ITGB6: variants seen among roughly 807,000 people sequenced by gnomAD.
The protein encoded by ITGB6 is integrin subunit beta 6, also known as integrin beta-6.
In ITGB6, 80 loss-of-function variants were observed where a neutral mutation model predicts 84.5. The ratio of observed to expected loss-of-function variants is 0.95; its 90% CI spans 0.79 to 1.14. The LOEUF (loss-of-function observed/expected upper bound fraction) is 1.14. Ranked by LOEUF, ITGB6 falls within the 50% of genes most tolerant of loss-of-function variation. The probability of loss-of-function intolerance (pLI) is 0.00; values close to 1 mark genes in which losing one functional copy is unlikely to be tolerated. For synonymous variants in ITGB6, 383 were observed against 354.9 expected (o/e 1.08, Z -0.89); for missense variants, 1,006 against 968.0 (o/e 1.04, Z -0.52).
chr2:160,111,839 C>A (rs1682531707), intron 13 of ITGB6, among the ~76,000 whole-genome samples: 1 of 152,112 alleles, frequency 6.6e-6, no homozygotes, highest in Non-Finnish European at 1.5e-5. Flanking sequence ...CTCGGCCTCC[C>A]AAAGTGCTGG....
intron 4 of ITGB6, among the ~76,000 whole-genome samples, chr2:160,174,400 T>C (rs1263708256): frequency 1.3e-5 from 2 of 152,120 alleles, no homozygotes; most frequent in East Asian, 3.9e-4. Flanking sequence ...GATAATCAGG[T>C]GATCAGACTC....
At chr2:160,163,152 A>G (rs1684881590) in intron 7 of ITGB6, among the ~76,000 whole-genome samples, 1 of 152,078 alleles carries the variant, frequency 6.6e-6, no homozygotes, top group Admixed American at 6.5e-5. Flanking sequence ...GCAGAATCCA[A>G]GTGTCTGTCT....
rs1275496757 is a variant in ITGB6 at position 160,100,581 on chromosome 2, C to A, written c.*1155G>T. 1 of 152,136 alleles carries A rather than the reference C, an allele frequency of 6.6e-6. No individual in the cohort carries two copies. Among genetic ancestry groups the A allele is most frequent in the Non-Finnish European group, 1.5e-5 (1 of 68,008 alleles). The allele number at this position is 152,136 out of a possible 1,614,324, so 9.4% of individuals were successfully genotyped here. ...AAAGTGCTTTGTAAAGGAGTAATAA[C>A]CACAAGAAATAATATTCTAGAGTCC... On this transcript the variant is annotated 3_prime_UTR_variant, in exon 15 of 15. Coordinates refer to ENST00000283249, the MANE Select transcript of ITGB6 (RefSeq NM_000888.5).
intron 14 of ITGB6, 36 bp downstream of exon 14, chr2:160,107,643 C>T (rs752417556): frequency 3.7e-6 from 6 of 1,602,186 alleles, no homozygotes; most frequent in East Asian, 2.2e-5. Flanking sequence ...GCCTCTTTCT[C>T]CCCTAGACAA....
intron 10 of ITGB6, among the ~76,000 whole-genome samples, chr2:160,136,902 G>C (rs564236282): frequency 2.6e-5 from 4 of 151,950 alleles, no homozygotes; most frequent in African/African-American, 4.8e-5. Flanking sequence ...GGCCTGTTGT[G>C]GGGTGGGGGG....
chr2:160,195,066 A>T (rs762496774), intron 4 of ITGB6, among the ~76,000 whole-genome samples: 4 of 152,224 alleles, frequency 2.6e-5, no homozygotes, highest in African/African-American at 4.8e-5. Context: ...GGCACCATCC[A>T]GTGGAGCCTA....
chr2:160,196,668 G>A (rs1245138180), intron 2 of ITGB6, among the ~76,000 whole-genome samples: 2 of 151,928 alleles, frequency 1.3e-5, no homozygotes, highest in South Asian at 4.2e-4. Context: ...TTGAATTCAC[G>A]TAACAATTGC....
chr2:160,143,805 A>T (rs1684089917), intron 7 of ITGB6, among the ~76,000 whole-genome samples: 1 of 152,234 alleles, frequency 6.6e-6, no homozygotes, highest in Non-Finnish European at 1.5e-5. Flanking sequence ...TAGGACAAAG[A>T]GAACCAAGGA....
At chr2:160,144,715 T>C (rs924968409) in intron 7 of ITGB6, among the ~76,000 whole-genome samples, 1 of 152,220 alleles carries the variant, frequency 6.6e-6, no homozygotes, top group Admixed American at 6.5e-5. Context: ...GCCTCCAAAT[T>C]TGTGGTTAAT....
In ITGB6 at chr2:160,100,925, T is replaced by C. The variant is rs1184501668; in HGVS notation, c.*811A>G. On this transcript the variant is annotated 3_prime_UTR_variant, in exon 15 of 15. Transcript: ENST00000283249. ...AACTTTGGTATGACAATTACAGGGT[T>C]TAAAAGACTGTGCAACTGAGTGAAA... The C allele has an allele frequency of 6.6e-6, 1 of 152,168 alleles. No individual in the cohort carries two copies. Among genetic ancestry groups the C allele is most frequent in the Non-Finnish European group, 1.5e-5 (1 of 68,010 alleles). The allele number at this position is 152,168 out of a possible 1,614,324, so 9.4% of individuals were successfully genotyped here.
At chr2:160,153,957 A>T (rs1559163802) in intron 7 of ITGB6, among the ~76,000 whole-genome samples, 1 of 152,234 alleles carries the variant, frequency 6.6e-6, no homozygotes, top group Admixed American at 6.5e-5. Flanking sequence ...GGATGTGGAG[A>T]AATATGAACA....
At chr2:160,111,854 A>T (rs1234827615) in intron 13 of ITGB6, among the ~76,000 whole-genome samples, 3 of 152,130 alleles carry the variant, frequency 2.0e-5, no homozygotes, top group Non-Finnish European at 4.4e-5. Flanking sequence ...TGCTGGGATT[A>T]CAGGTGTGAG....
intron 7 of ITGB6, among the ~76,000 whole-genome samples, chr2:160,154,814 G>A (rs767081542): frequency 6.0e-4 from 91 of 152,174 alleles, no homozygotes; most frequent in Non-Finnish European, 6.2e-4. Flanking sequence ...ATATTATTAA[G>A]TGAAAGAAGC....
intron 4 of ITGB6, among the ~76,000 whole-genome samples, chr2:160,193,116 A>C (rs568877740): frequency 6.6e-6 from 1 of 152,328 alleles, no homozygotes; most frequent in South Asian, 2.1e-4. Context: ...ACAGTTCAGC[A>C]ACTCCAGTTT....
At chr2:160,114,564 A>T (rs1003977676) in intron 12 of ITGB6, among the ~76,000 whole-genome samples, 14 of 152,196 alleles carry the variant, frequency 9.2e-5, no homozygotes, top group Admixed American at 1.3e-4. Flanking sequence ...AGTCTACAGC[A>T]CCCAGCGTGA....
At chr2:160,146,924 A>T (rs1297598840) in intron 7 of ITGB6, among the ~76,000 whole-genome samples, 1 of 151,818 alleles carries the variant, frequency 6.6e-6, no homozygotes, top group East Asian at 1.9e-4. Context: ...ACATAGTGAG[A>T]CCCCATCCTT....
intron 6 of ITGB6, among the ~76,000 whole-genome samples, chr2:160,169,701 A>T (rs920736786): frequency 2.0e-5 from 3 of 152,206 alleles, no homozygotes; most frequent in Admixed American, 6.5e-5. Context: ...GGGCTGTTGG[A>T]CTATAATATA....
chr2:160,101,647 T>C lies in ITGB6; in HGVS notation c.*89A>G. Reference sequence around the variant, plus strand: ...GTCCTATTATTATCTTAAACCAACCTCATTTTGAAGCAACAAAGAGAAAAA... The same window carrying C: ...GTCCTATTATTATCTTAAACCAACCCCATTTTGAAGCAACAAAGAGAAAAA... On this transcript the variant is annotated 3_prime_UTR_variant, in exon 15 of 15. Transcript: ENST00000283249. The C allele has an allele frequency of 1.3e-6, 1 of 780,154 alleles. No individual in the cohort carries two copies. Among genetic ancestry groups the C allele is most frequent in the African/African-American group, 1.7e-5 (1 of 57,504 alleles). 48.3% of individuals were successfully genotyped at this position (780,154 alleles called of 1,614,324 possible). A position where few individuals can be genotyped will look rare whatever the true frequency, so the allele number is the denominator to read the frequency against.
intron 7 of ITGB6, among the ~76,000 whole-genome samples, chr2:160,156,041 T>G (rs1246504793): frequency 6.6e-6 from 1 of 152,234 alleles, no homozygotes; most frequent in African/African-American, 2.4e-5. Context: ...CTAGCAATTC[T>G]ACTCCTATAG....
Sources: allele counts gnomAD v4.1 joint callset (sites outside exome capture counted in the v4.1 genomes callset), GRCh38; gene constraint gnomAD v4.1.1; transcripts MANE v1.5; gene names NCBI Gene and HGNC (gene_info 2026-07-23, HGNC 2026-07-21).